TOMM70: variants seen among roughly 807,000 people sequenced by gnomAD.
The protein encoded by TOMM70 is translocase of outer mitochondrial membrane 70.
TOMM70 carries 13 observed loss-of-function variants against 73.6 expected under a neutral mutation model. The ratio of observed to expected loss-of-function variants is 0.18; its 90% CI spans 0.11 to 0.28. The LOEUF (loss-of-function observed/expected upper bound fraction) is 0.28. Among genes scored for constraint, TOMM70 ranks in the 10% least tolerant of loss-of-function variants. TOMM70 has a pLI of 1.00. For missense variants in TOMM70, 609 were observed against 747.5 expected (o/e 0.81, Z 2.16); for synonymous variants, 257 against 271.2 (o/e 0.95, Z 0.51).
At chr3:100,385,231 A>G (rs1706677510) in intron 3 of TOMM70, among the ~76,000 whole-genome samples, 1 of 152,196 alleles carries the variant, frequency 6.6e-6, no homozygotes, top group South Asian at 2.1e-4. Flanking sequence ...GCCAATGTCA[A>G]TGTCTTTTTT....
At chr3:100,390,911 G>A (rs565803778) in intron 1 of TOMM70, among the ~76,000 whole-genome samples, 3 of 151,814 alleles carry the variant, frequency 2.0e-5, no homozygotes, top group Admixed American at 1.3e-4. Context: ...AGGCTGAGGC[G>A]GGTGGATCAT....
intron 1 of TOMM70, 68 bp downstream of exon 1, chr3:100,400,558 G>C: frequency 6.5e-7 from 1 of 1,547,088 alleles, no homozygotes; most frequent in Non-Finnish European, 8.8e-7. Flanking sequence ...CCCCCTCACT[G>C]ACACAACCCG....
rs190474173 is a variant in TOMM70, at chr3:100,368,423, A to G, written c.1551-257T>C. On this transcript the variant is annotated intron_variant, in intron 10 of 11. Coordinates refer to ENST00000284320, the MANE Select transcript of TOMM70 (RefSeq NM_014820.5). Reference sequence around the variant, plus strand: ...TTGCATCCCTTATTTTTCACTTTATATAAATTTAAGTGAAGTTTCTTAGGA... The same window carrying G: ...TTGCATCCCTTATTTTTCACTTTATGTAAATTTAAGTGAAGTTTCTTAGGA... Among the ~76,000 whole-genome samples, 293 of 152,284 alleles carry G rather than the reference A, an allele frequency of 1.9e-3. 1 individual carries two copies. Among genetic ancestry groups the G allele is most frequent in the African/African-American group, 6.6e-3 (274 of 41,556 alleles).
chr3:100,400,630 T>C lies in TOMM70; in HGVS notation c.320A>G (p.Asp107Gly). The change falls in exon 1 of 12, where the codon GAC becomes GGC. Residue 107 changes from aspartate (D) to glycine (G), a missense_variant. Physicochemically the swap from Asp to Gly is moderately conservative, Grantham distance 94 (BLOSUM62 -1). Transcript: ENST00000284320. ...CGGCCTGGGGCTGCTTCTCACCATGTCCAAGTGAGCACCGGGACCTTCAGG... is the reference window on the plus strand; with the variant it reads ...CGGCCTGGGGCTGCTTCTCACCATGCCCAAGTGAGCACCGGGACCTTCAGG... The part of the protein sequence containing the change: ...GHPEGPGAHL[D>G]MNSLDRAQAA... 3.1e-6 allele frequency: 5 copies of C among 1,611,004 alleles called. No individual in the cohort carries two copies. The highest frequency in any genetic ancestry group is 4.2e-6 in the Non-Finnish European group (5 of 1,179,118).
rs1236640072 is a variant in TOMM70, at chr3:100,365,538, G to A, written c.*26C>T. On this transcript the variant is annotated 3_prime_UTR_variant, in exon 12 of 12. Transcript: ENST00000284320. ...TGAAGAGGGGGTAAACTTTTAAAAA[G>A]AGGGTCAGTCTGCTTTCCCCCTGTT... The A allele has an allele frequency of 1.2e-6, 2 of 1,613,642 alleles. No individual in the cohort carries two copies. Among genetic ancestry groups the A allele is most frequent in the Non-Finnish European group, 1.7e-6 (2 of 1,179,704 alleles).
chr3:100,387,617 C>G (rs1434699020), intron 1 of TOMM70, among the ~76,000 whole-genome samples: 1 of 141,656 alleles, frequency 7.1e-6, no homozygotes, highest in African/African-American at 2.6e-5. Context: ...CACACACACA[C>G]ACACACACAC....
intron 11 of TOMM70, among the ~76,000 whole-genome samples, chr3:100,367,417 T>C (rs1706457451): frequency 6.6e-6 from 1 of 152,146 alleles, no homozygotes; most frequent in South Asian, 2.1e-4. Context: ...TCAGTGACTG[T>C]GGTATCAGTG....
At chr3:100,385,946 G>C (rs1706686968) in intron 3 of TOMM70, among the ~76,000 whole-genome samples, 1 of 152,104 alleles carries the variant, frequency 6.6e-6, no homozygotes, top group Non-Finnish European at 1.5e-5. Context: ...CTTATTCAGA[G>C]AATTATACTA....
chr3:100,374,589 A>T (rs938211534), intron 7 of TOMM70, among the ~76,000 whole-genome samples: 1 of 152,232 alleles, frequency 6.6e-6, no homozygotes, highest in African/African-American at 2.4e-5. Context: ...TATGCCTGTT[A>T]TAAAACTTCA....
At chr3:100,377,189 C>T (rs1219492486) in intron 6 of TOMM70, among the ~76,000 whole-genome samples, 1 of 152,016 alleles carries the variant, frequency 6.6e-6, no homozygotes, top group Non-Finnish European at 1.5e-5. Context: ...AACAGATGCC[C>T]CTGAATCTTA....
At position 100,363,496 on chromosome 3, in the gene TOMM70, T is replaced by TGA. The variant is rs1406631455; in HGVS notation, c.*2066_*2067dup. ...AATATTTATTTGGTGAATTTACATG[T>TGA]GAGGTCATTTACAAAAGAAAGATAC... On this transcript the variant is annotated 3_prime_UTR_variant, in exon 12 of 12. Coordinates refer to ENST00000284320, the MANE Select transcript of TOMM70 (RefSeq NM_014820.5). The TGA allele has an allele frequency of 4.6e-5, 7 of 152,738 alleles. No individual in the cohort carries two copies. Among genetic ancestry groups the TGA allele is most frequent in the African/African-American group, 1.7e-4 (7 of 41,574 alleles). The allele number at this position is 152,738 out of a possible 1,614,324, so 9.5% of individuals were successfully genotyped here.
intron 1 of TOMM70, among the ~76,000 whole-genome samples, chr3:100,390,917 A>G (rs1017819332): frequency 1.1e-4 from 16 of 151,688 alleles, no homozygotes; most frequent in African/African-American, 3.4e-4. Flanking sequence ...AGGCGGGTGG[A>G]TCATGAGGTC....
chr3:100,381,971 C>T (rs78715133), intron 4 of TOMM70, among the ~76,000 whole-genome samples: 1,689 of 152,218 alleles, frequency 0.011, 25 homozygotes, highest in African/African-American at 0.039. Context: ...AAATGAGAGC[C>T]TTTTCCCTCT....
intron 1 of TOMM70, among the ~76,000 whole-genome samples, chr3:100,396,495 G>GA (rs1220743099): frequency 6.6e-6 from 1 of 152,100 alleles, no homozygotes; most frequent in Non-Finnish European, 1.5e-5. Context: ...CATTTTTCTA[G>GA]AAAATCACAG....
chr3:100,372,924 A>G (rs146511470), intron 8 of TOMM70, among the ~76,000 whole-genome samples: 103 of 152,310 alleles, frequency 6.8e-4, no homozygotes, highest in African/African-American at 2.3e-3. Flanking sequence ...CATGGCCACT[A>G]TACAATTTCA....
At chr3:100,387,963 G>A (rs1706713810) in intron 1 of TOMM70, among the ~76,000 whole-genome samples, 2 of 152,170 alleles carry the variant, frequency 1.3e-5, no homozygotes, top group African/African-American at 2.4e-5. Flanking sequence ...GAAGCTCTAA[G>A]TATCTAAGAT....
At chr3:100,389,019 G>C (rs1279439914) in intron 1 of TOMM70, among the ~76,000 whole-genome samples, 1 of 149,258 alleles carries the variant, frequency 6.7e-6, no homozygotes, top group Non-Finnish European at 1.5e-5. Flanking sequence ...AGTTCTAAAA[G>C]GAAAGGCATA....
intron 9 of TOMM70, among the ~76,000 whole-genome samples, chr3:100,371,087 C>G (rs947098862): frequency 1.3e-5 from 2 of 152,104 alleles, no homozygotes; most frequent in African/African-American, 4.8e-5. Context: ...AGACCTACCT[C>G]TAAAGAACAG....
intron 5 of TOMM70, among the ~76,000 whole-genome samples, chr3:100,380,437 A>C (rs1283309338): frequency 6.6e-6 from 1 of 152,212 alleles, no homozygotes; most frequent in Non-Finnish European, 1.5e-5. Flanking sequence ...AGTTATTTAT[A>C]AGCATGATTT....
Sources: gnomAD v4.1 joint callset for allele counts (sites outside exome capture counted in the v4.1 genomes callset) on GRCh38, gnomAD v4.1.1 for gene constraint, MANE v1.5 for transcripts, NCBI Gene and HGNC (gene_info 2026-07-23, HGNC 2026-07-21) for gene names.